Variants in RGL1 observed in about 807,000 individuals in gnomAD.
The protein encoded by RGL1 is ral guanine nucleotide dissociation stimulator-like 1.
Under a neutral mutation model 95.2 loss-of-function variants are expected in RGL1, and 24 were observed. The observed-to-expected ratio is 0.25, with a 90% CI of 0.18 to 0.35. RGL1 has a LOEUF of 0.35. Ranked by LOEUF, RGL1 falls within the 10% of genes least tolerant of loss-of-function variation. The pLI is 1.00. For missense variants in RGL1, 715 were observed against 936.3 expected (o/e 0.76, Z 3.08); for synonymous variants, 329 against 344.9 (o/e 0.95, Z 0.51).
At chr1:183,657,513 T>G (rs1383015196) in intron 1 of RGL1, among the ~76,000 whole-genome samples, 1 of 152,088 alleles carries the variant, frequency 6.6e-6, no homozygotes, top group Non-Finnish European at 1.5e-5. Flanking sequence ...ATTGTTCAAT[T>G]CCCACCTATG....
intron 2 of RGL1, among the ~76,000 whole-genome samples, chr1:183,750,821 T>C (rs1657941865): frequency 6.6e-6 from 1 of 152,268 alleles, no homozygotes; most frequent in Non-Finnish European, 1.5e-5. Flanking sequence ...CAGGTCCCTC[T>C]TCTGCAGGTC....
chr1:183,660,908 C>G (rs1023779233), intron 1 of RGL1, among the ~76,000 whole-genome samples: 1 of 152,182 alleles, frequency 6.6e-6, no homozygotes, highest in Non-Finnish European at 1.5e-5. Flanking sequence ...GAAACTCACT[C>G]AAAACCGCTC....
chr1:183,911,427 C>T (rs918821315), intron 14 of RGL1, among the ~76,000 whole-genome samples: 1 of 152,024 alleles, frequency 6.6e-6, no homozygotes, highest in Non-Finnish European at 1.5e-5. Context: ...AACAGAAACC[C>T]TCATCTTTGG....
chr1:183,884,441 G>C (rs1450379564), intron 6 of RGL1, among the ~76,000 whole-genome samples: 2 of 152,184 alleles, frequency 1.3e-5, no homozygotes, highest in Non-Finnish European at 2.9e-5. Context: ...GTAAATACAA[G>C]AGGACTGTGA....
rs1926837 is a variant in RGL1, at chr1:183,701,290, C to A, written c.-32-40836C>A. Among the ~76,000 whole-genome samples, 11 of 152,026 alleles carry A rather than the reference C, an allele frequency of 7.2e-5. No homozygotes were observed. The South Asian group carries it at 1.5e-3, about 20-fold the overall frequency. Reference sequence around the variant, plus strand: ...AAGAATGGTTTTTAGTTCTCTGAAGCCTTAAGGTAATTTAATTTCAGAGCT... The same window carrying A: ...AAGAATGGTTTTTAGTTCTCTGAAGACTTAAGGTAATTTAATTTCAGAGCT... On this transcript the variant is annotated intron_variant, in intron 1 of 18. Transcript: ENST00000304685.
rs56920504 is a variant in RGL1, at chr1:183,748,394, C to CTTTTTTTTTTTT, written c.132+6123_132+6134dup. ...TTTGAATTTGTTTGCTTCTCTAGTT[C>CTTTTTTTTTTTT]TTTTTTTTTTTTTTTTTTTTTTTTT... On this transcript the variant is annotated intron_variant, in intron 2 of 18. Coordinates refer to the RGL1 transcript ENST00000304685. Among the ~76,000 whole-genome samples, 30 of 69,720 alleles carry CTTTTTTTTTTTT rather than the reference C, an allele frequency of 4.3e-4. 2 individuals are homozygous for CTTTTTTTTTTTT. Among genetic ancestry groups the CTTTTTTTTTTTT allele is most frequent in the African/African-American group, 8.0e-4 (12 of 15,086 alleles). 45.7% of individuals were successfully genotyped at this position (69,720 alleles called of 152,430 possible).
chr1:183,766,211 C>T (rs530617917), intron 2 of RGL1, among the ~76,000 whole-genome samples: 1 of 152,124 alleles, frequency 6.6e-6, no homozygotes, highest in Non-Finnish European at 1.5e-5. Context: ...TCGAGACCAG[C>T]CTGGCTAACA....
exon 1 of RGL1, chr1:183,636,275 C>T (rs769567876): frequency 3.5e-4 from 140 of 398,022 alleles, no homozygotes; most frequent in Non-Finnish European, 5.0e-4. Context: ...GAGTATGAGG[C>T]AGAGTGATGC....
rs1022833969 is a variant in RGL1 at position 183,738,419 on chromosome 1, TA to T, written c.-32-3696del. On this transcript the variant is annotated intron_variant, in intron 1 of 18. Coordinates refer to the RGL1 transcript ENST00000304685. ...CTGGGCGACAGAGCAAGACTCCGTCTAAAAAAAAAAAGAAAGAAAAAGAAAG... is the reference window on the plus strand; with the variant it reads ...CTGGGCGACAGAGCAAGACTCCGTCTAAAAAAAAAAGAAAGAAAAAGAAAG... Among the ~76,000 whole-genome samples, 971 of 141,678 alleles carry T rather than the reference TA, an allele frequency of 6.9e-3. 9 individuals are homozygous for T. Among genetic ancestry groups the T allele is most frequent in the East Asian group, 0.061 (296 of 4,892 alleles). The allele number at this position is 141,678 out of a possible 152,430, so 92.9% of individuals were successfully genotyped here.
At chr1:183,887,062 A>G (rs1667147852) in intron 7 of RGL1, among the ~76,000 whole-genome samples, 1 of 151,656 alleles carries the variant, frequency 6.6e-6, no homozygotes, top group Non-Finnish European at 1.5e-5. Context: ...CCTGATTTTT[A>G]GAATATAACT....
chr1:183,832,190 G>A (rs1663305774), intron 2 of RGL1, among the ~76,000 whole-genome samples: 2 of 152,188 alleles, frequency 1.3e-5, no homozygotes, highest in South Asian at 4.1e-4. Flanking sequence ...GCTGAGGAAT[G>A]AGAATGAAGT....
At chr1:183,820,025 G>A (rs1572455276) in intron 2 of RGL1, among the ~76,000 whole-genome samples, 1 of 151,980 alleles carries the variant, frequency 6.6e-6, no homozygotes, top group African/African-American at 2.4e-5. Flanking sequence ...AGCCTCAAGC[G>A]ATCCTCCCAC....
intron 1 of RGL1, among the ~76,000 whole-genome samples, chr1:183,680,691 TA>T (rs1653153158): frequency 1.3e-5 from 2 of 152,220 alleles, no homozygotes; most frequent in African/African-American, 4.8e-5. Flanking sequence ...GCATTTAAAG[TA>T]GTTTTTTTCT....
chr1:183,786,215 A>G (rs1385146194), intron 2 of RGL1, among the ~76,000 whole-genome samples: 1 of 152,222 alleles, frequency 6.6e-6, no homozygotes, highest in Non-Finnish European at 1.5e-5. Context: ...CAGCCTGGGC[A>G]ACATAGCAAG....
At chr1:183,911,943 G>A (rs1668664793) in intron 14 of RGL1, 139 bp from the exon 15 acceptor site, 4 of 705,846 alleles carry the variant, frequency 5.7e-6, no homozygotes, top group African/African-American at 1.8e-5. Context: ...ACTTTATAGC[G>A]AATGTCCTCC....
At chr1:183,873,004 C>T (rs1666273630) in intron 4 of RGL1, among the ~76,000 whole-genome samples, 1 of 152,106 alleles carries the variant, frequency 6.6e-6, no homozygotes, top group African/African-American at 2.4e-5. Context: ...AATATCCCTA[C>T]AGGACAAAGA....
intron 1 of RGL1, among the ~76,000 whole-genome samples, chr1:183,663,007 A>G (rs1049759637): frequency 2.6e-5 from 4 of 151,942 alleles, no homozygotes; most frequent in Non-Finnish European, 4.4e-5. Context: ...CTGGCTAGCC[A>G]TATGTAGAAA....
chr1:183,660,059 A>G (rs1379973154), intron 1 of RGL1, among the ~76,000 whole-genome samples: 1 of 152,198 alleles, frequency 6.6e-6, no homozygotes, highest in African/African-American at 2.4e-5. Context: ...TGAAGGAAGC[A>G]CTAAACATGG....
intron 16 of RGL1, among the ~76,000 whole-genome samples, chr1:183,919,698 C>A (rs1368006815): frequency 6.6e-6 from 1 of 152,204 alleles, no homozygotes; most frequent in African/African-American, 2.4e-5. Context: ...ACCCATCACT[C>A]TTTCGAAATG....
Sources: allele counts gnomAD v4.1 joint callset (sites outside exome capture counted in the v4.1 genomes callset), GRCh38; gene constraint gnomAD v4.1.1; transcripts MANE v1.5; gene names NCBI Gene and HGNC (gene_info 2026-07-23, HGNC 2026-07-21).